FBRSL1: variants seen among roughly 807,000 people sequenced by gnomAD.
FBRSL1 encodes the protein fibrosin-1-like protein.
A neutral mutation model predicts 89.6 loss-of-function variants in FBRSL1; 51 were observed. The ratio of observed to expected loss-of-function variants is 0.57; its 90% CI spans 0.45 to 0.72. The LOEUF is 0.72. Ranked by LOEUF, FBRSL1 falls within the 30% of genes least tolerant of loss-of-function variation. FBRSL1 has a pLI of 0.00. For synonymous variants in FBRSL1, 779 were observed against 681.1 expected, an observed-to-expected ratio of 1.14 and a Z score of -2.24; for missense variants, 1,618 against 1,451.8, an observed-to-expected ratio of 1.11 and a Z score of -1.86.
At chr12:132,520,031 C>T (rs1190998487) in intron 2 of FBRSL1, among the ~76,000 whole-genome samples, 1 of 151,814 alleles carries the variant, frequency 6.6e-6, no homozygotes, top group Non-Finnish European at 1.5e-5. Flanking sequence ...TCTTCCAGTG[C>T]CCCCACCAGC....
intron 16 of FBRSL1, 58 bp downstream of exon 16, chr12:132,581,574 C>T (rs188817082): frequency 6.0e-5 from 93 of 1,537,480 alleles, no homozygotes; most frequent in South Asian, 2.7e-4. Context: ...AGCCTTGTGG[C>T]GGGGGAATTA....
chr12:132,512,309 A>G (rs753046989), intron 2 of FBRSL1, among the ~76,000 whole-genome samples: 1 of 152,328 alleles, frequency 6.6e-6, no homozygotes. Context: ...AGTCCTCTGC[A>G]TGGCCTGGGC....
At chr12:132,561,453 A>AC (rs34619481) in intron 5 of FBRSL1, among the ~76,000 whole-genome samples, 84,445 of 151,904 alleles carry the variant, frequency 0.56, 25,490 homozygotes, top group East Asian at 0.85. Flanking sequence ...AGAGCCCCAG[A>AC]AGGGCTCCAA....
chr12:132,532,878 A>T (rs2036406673), intron 4 of FBRSL1, among the ~76,000 whole-genome samples: 1 of 152,136 alleles, frequency 6.6e-6, no homozygotes, highest in Non-Finnish European at 1.5e-5. Flanking sequence ...GCAGAGACCC[A>T]GCCAGGTGGG....
intron 2 of FBRSL1, among the ~76,000 whole-genome samples, chr12:132,514,951 A>G (rs1331542593): frequency 2.0e-5 from 3 of 152,206 alleles, no homozygotes; most frequent in Non-Finnish European, 2.9e-5. Context: ...AGTCTGGGAA[A>G]GCCAGCAGGT....
intron 1 of FBRSL1, among the ~76,000 whole-genome samples, chr12:132,500,613 C>T (rs916334944): frequency 2.0e-5 from 3 of 152,190 alleles, no homozygotes; most frequent in East Asian, 1.9e-4. Flanking sequence ...AATCCGACCT[C>T]ATCCAGCTGC....
At chr12:132,506,010 G>A (rs1243315569) in intron 1 of FBRSL1, among the ~76,000 whole-genome samples, 3 of 152,262 alleles carry the variant, frequency 2.0e-5, no homozygotes, top group African/African-American at 7.2e-5. Context: ...TGCGCCTGGA[G>A]CCGGAGATGT....
intron 5 of FBRSL1, chr12:132,554,539 T>TGC (rs2038452705): frequency 6.6e-6 from 1 of 152,254 alleles, no homozygotes; most frequent in African/African-American, 2.4e-5. Flanking sequence ...TTGGGCCAGT[T>TGC]GCGGTGACTC....
In FBRSL1 at chr12:132,524,248, C is replaced by T. The variant is rs540699216; in HGVS notation, c.490-1486C>T. On this transcript the variant is annotated intron_variant, in intron 2 of 18. Transcript: ENST00000680143. ...AGCTGAGCAGGTCACTAGCCCACCA[C>T]CCTGCCCCCGGCTCCCGCCCAGTAA... is the stretch of plus-strand genomic sequence containing the variant. Among the ~76,000 whole-genome samples, 3 of 152,352 alleles carry T rather than the reference C, an allele frequency of 2.0e-5. No homozygotes were observed. The South Asian group carries it at 6.2e-4, about 32-fold the overall frequency.
chr12:132,569,269 G>A (rs1161769941), intron 6 of FBRSL1, among the ~76,000 whole-genome samples: 2 of 152,144 alleles, frequency 1.3e-5, no homozygotes, highest in Non-Finnish European at 2.9e-5. Context: ...TGCGGGGGAC[G>A]TGCCTAGGTG....
At chr12:132,509,915 C>T (rs1470191978) in intron 2 of FBRSL1, 2 of 1,230,892 alleles carry the variant, frequency 1.6e-6, no homozygotes, top group African/African-American at 1.6e-5. Context: ...CCCGGCGGGC[C>T]TTCCTAGCCC....
rs376282005 is a variant in FBRSL1, at chr12:132,574,475, G to A, written c.1630-18G>A. On this transcript the variant is annotated intron_variant, in intron 13 of 18. Transcript: ENST00000680143. ...GGGGGTGGCACCAGCCCCACTGAGC[G>A]CTTCCATCCTGTCGCAGAAGCCGGG... 4.0e-4 allele frequency: 620 copies of A among 1,549,542 alleles called. No homozygotes were observed. Among genetic ancestry groups the A allele is most frequent in the Non-Finnish European group, 5.2e-4 (596 of 1,146,598 alleles).
chr12:132,569,182 G>A (rs2137839319), intron 6 of FBRSL1, among the ~76,000 whole-genome samples: 1 of 152,092 alleles, frequency 6.6e-6, no homozygotes. Flanking sequence ...CTGCCCGAAG[G>A]GGCCTGAAAA....
chr12:132,567,465 C>G lies in FBRSL1; in HGVS notation c.646-16C>G, dbSNP rs373646398. ...GACCACCCTGACTGCCCCTGACCCC[C>G]CTTCTCTCTCTCCAGGCATCCGTGG... is the stretch of plus-strand genomic sequence containing the variant. On this transcript the variant is annotated splice_polypyrimidine_tract_variant and intron_variant, in intron 5 of 18. Transcript: ENST00000680143. The G allele has an allele frequency of 1.4e-4, 214 of 1,551,112 alleles. 1 individual carries two copies. The African/African-American group carries it at 2.6e-3, about 19-fold the overall frequency.
intron 2 of FBRSL1, among the ~76,000 whole-genome samples, chr12:132,518,940 T>A (rs2035104373): frequency 6.6e-6 from 1 of 151,664 alleles, no homozygotes; most frequent in Admixed American, 6.6e-5. Context: ...TGTCTGTCCA[T>A]CTATCCACCC....
intron 15 of FBRSL1, among the ~76,000 whole-genome samples, chr12:132,578,070 T>C (rs2040490712): frequency 6.6e-6 from 1 of 152,274 alleles, no homozygotes; most frequent in African/African-American, 2.4e-5. Flanking sequence ...CTTAGCCTAC[T>C]GTTGACAGGA....
intron 17 of FBRSL1, 28 bp downstream of exon 17, chr12:132,581,852 C>A: frequency 6.6e-7 from 1 of 1,508,282 alleles, no homozygotes; most frequent in Non-Finnish European, 8.9e-7. Context: ...TGCCCCCCTC[C>A]CCCGATGCCC....
chr12:132,567,745 C>T (rs1006295253), intron 6 of FBRSL1, among the ~76,000 whole-genome samples: 1 of 152,162 alleles, frequency 6.6e-6, no homozygotes, highest in Non-Finnish European at 1.5e-5. Flanking sequence ...CTGGGCTCCG[C>T]TCGTAGCAGC....
rs2032528062 is a variant in FBRSL1, at chr12:132,499,041, G to C, written c.291+8180G>C. Reference sequence around the variant, plus strand: ...GTGACCAAGGGTACCTGCCACCTCTGCTGTCCCCTGGGACAGTGCTCTGCA... The same window carrying C: ...GTGACCAAGGGTACCTGCCACCTCTCCTGTCCCCTGGGACAGTGCTCTGCA... On this transcript the variant is annotated intron_variant, in intron 1 of 18. Transcript: ENST00000680143. The surrounding 1 kb of genome is among the most constrained non-coding windows in gnomAD (Gnocchi z 4.3). Among the ~76,000 whole-genome samples the C allele has an allele frequency of 6.6e-6, 1 of 152,186 alleles. No homozygotes were observed. Among genetic ancestry groups the C allele is most frequent in the Non-Finnish European group, 1.5e-5 (1 of 68,016 alleles).
Sources: gnomAD v4.1 joint callset for allele counts (sites outside exome capture counted in the v4.1 genomes callset) on GRCh38, gnomAD v4.1.1 for gene constraint, Gnocchi (gnomAD v3.1) non-coding constraint, MANE v1.5 for transcripts, NCBI Gene and HGNC (gene_info 2026-07-23, HGNC 2026-07-21) for gene names.